Variants in IPCEF1 observed in about 807,000 individuals in gnomAD.
IPCEF1 encodes interaction protein for cytohesin exchange factors 1, also known as interactor protein for cytohesin exchange factors 1.
IPCEF1 carries 31 observed loss-of-function variants against 50.9 expected under a neutral mutation model. The observed-to-expected ratio is 0.61, with a 90% CI of 0.46 to 0.82. The LOEUF is 0.82. IPCEF1 is among the 40% of genes least tolerant of loss of function. The probability of loss-of-function intolerance (pLI) is 0.00; values close to 1 mark genes in which losing one functional copy is unlikely to be tolerated. For synonymous variants in IPCEF1, 181 were observed against 192.0 expected, an observed-to-expected ratio of 0.94 and a Z score of 0.47; for missense variants, 458 against 514.0, an observed-to-expected ratio of 0.89 and a Z score of 1.05.
At chr6:154,321,877 T>C (rs902536492) in intron 1 of IPCEF1, among the ~76,000 whole-genome samples, 1 of 145,650 alleles carries the variant, frequency 6.9e-6, no homozygotes, top group Non-Finnish European at 1.5e-5. Context: ...ATGAGGACAA[T>C]GGAACCCCGA....
At chr6:154,191,055 C>A (rs1298749003) in intron 10 of IPCEF1, among the ~76,000 whole-genome samples, 1 of 151,504 alleles carries the variant, frequency 6.6e-6, no homozygotes, top group Non-Finnish European at 1.5e-5. Context: ...GACTCCATCT[C>A]AAAAAAAGAA....
chr6:154,218,813 G>A (rs1339719304), intron 7 of IPCEF1, among the ~76,000 whole-genome samples: 1 of 152,122 alleles, frequency 6.6e-6, no homozygotes, highest in East Asian at 1.9e-4. Context: ...AAGTCTAAAG[G>A]TCACTGACAG....
chr6:154,332,161 C>G (rs750154477), intron 1 of IPCEF1, among the ~76,000 whole-genome samples: 1 of 152,098 alleles, frequency 6.6e-6, no homozygotes, highest in Admixed American at 6.6e-5. Context: ...AATGAAACTC[C>G]GCCATAATTT....
At chr6:154,201,919 T>C (rs1347765812) in intron 9 of IPCEF1, among the ~76,000 whole-genome samples, 1 of 151,654 alleles carries the variant, frequency 6.6e-6, no homozygotes, top group Non-Finnish European at 1.5e-5. Context: ...ACAAAAAAAC[T>C]CCAAGGAAGT....
At position 154,311,778 on chromosome 6, in the gene IPCEF1, A is replaced by G. The variant is rs1020808985; in HGVS notation, c.-61-22022T>C. Among the ~76,000 whole-genome samples the G allele has an allele frequency of 2.0e-5, 3 of 152,240 alleles. No homozygotes were observed. In the South Asian group the frequency reaches 6.2e-4, roughly 31 times the overall value. On this transcript the variant is annotated intron_variant, in intron 1 of 11. Transcript: ENST00000367220. ...CCTGTTAGAATGGCTATTTTCAAAA[A>G]AAGATGAAAGATAACAAGTGTTGGT...
At chr6:154,303,249 G>A (rs748227805) in intron 1 of IPCEF1, among the ~76,000 whole-genome samples, 10 of 151,836 alleles carry the variant, frequency 6.6e-5, no homozygotes, top group African/African-American at 2.2e-4. Flanking sequence ...ATACCACCAC[G>A]CCCGGGTAAT....
intron 1 of IPCEF1, among the ~76,000 whole-genome samples, chr6:154,316,414 A>T (rs999069356): frequency 2.6e-5 from 4 of 152,200 alleles, no homozygotes; most frequent in African/African-American, 9.7e-5. Context: ...ATGCCTAGAT[A>T]CACAAGGTAT....
chr6:154,182,640 T>G (rs1800986770), intron 10 of IPCEF1, among the ~76,000 whole-genome samples: 1 of 152,196 alleles, frequency 6.6e-6, no homozygotes. Context: ...CTTTTTTTCT[T>G]CTTAAAATAC....
At chr6:154,353,572 A>G (rs1457580939) in intron 1 of IPCEF1, among the ~76,000 whole-genome samples, 2 of 152,050 alleles carry the variant, frequency 1.3e-5, no homozygotes, top group Admixed American at 1.3e-4. Flanking sequence ...CAGGCATGAG[A>G]GCCACCGCAC....
In IPCEF1 at chr6:154,339,267, C is replaced by T. The variant is rs535353448; in HGVS notation, c.-62+17405G>A. 4.6e-5 allele frequency among the ~76,000 whole-genome samples: 7 copies of T among 151,974 alleles called. No individual in the cohort carries two copies. The South Asian group carries it at 1.5e-3, about 32-fold the overall frequency. Reference sequence around the variant, plus strand: ...TATAATTACATAAAAGTGTGTTAACCCCTAAATGAGAGAGGAGAAGAGCCT... The same window carrying T: ...TATAATTACATAAAAGTGTGTTAACTCCTAAATGAGAGAGGAGAAGAGCCT... On this transcript the variant is annotated intron_variant, in intron 1 of 11. Transcript: ENST00000367220.
intron 1 of IPCEF1, among the ~76,000 whole-genome samples, chr6:154,354,015 G>C (rs1483229106): frequency 1.3e-5 from 2 of 152,158 alleles, no homozygotes; most frequent in Admixed American, 1.3e-4. Context: ...AGAGAAATTA[G>C]AGATTAAATT....
intron 3 of IPCEF1, among the ~76,000 whole-genome samples, chr6:154,248,982 T>C (rs1338525430): frequency 6.6e-6 from 1 of 152,168 alleles, no homozygotes; most frequent in African/African-American, 2.4e-5. Context: ...CTAAAGTGTT[T>C]AAATTATATT....
At chr6:154,220,255 T>C (rs773173446) in intron 7 of IPCEF1, among the ~76,000 whole-genome samples, 16 of 152,162 alleles carry the variant, frequency 1.1e-4, no homozygotes, top group African/African-American at 2.9e-4. Flanking sequence ...ATATTTTCAA[T>C]TGGTCATGTG....
chr6:154,356,196 A>T (rs924234465), intron 1 of IPCEF1, among the ~76,000 whole-genome samples: 1 of 152,158 alleles, frequency 6.6e-6, no homozygotes, highest in Non-Finnish European at 1.5e-5. Flanking sequence ...CCTAGCTTTC[A>T]TTTTTATACC....
chr6:154,240,499 C>A (rs563505310), intron 5 of IPCEF1, among the ~76,000 whole-genome samples: 2 of 149,614 alleles, frequency 1.3e-5, no homozygotes, highest in African/African-American at 2.5e-5. Flanking sequence ...GAAAATTAAT[C>A]TGTTCTTTAT....
Position 154,194,269 on chromosome 6 carries a change from C to T in IPCEF1, c.910+5399G>A, listed in dbSNP as rs952914135. The stretch of plus-strand genomic sequence containing the variant: ...ACAAAATTAGCCAGGCGTGGTGGCG[C>T]ATGCCTGTAATCCCAGCTACTTGGG... On this transcript the variant is annotated intron_variant, in intron 10 of 11. Transcript: ENST00000367220. Among the ~76,000 whole-genome samples, 7 of 152,282 alleles carry T rather than the reference C, an allele frequency of 4.6e-5. No individual in the cohort carries two copies. In the East Asian group the frequency reaches 1.4e-3, roughly 29 times the overall value.
chr6:154,331,407 G>GAAAGAAAGATAGAA (rs1554225595), intron 1 of IPCEF1, among the ~76,000 whole-genome samples: 1 of 131,008 alleles, frequency 7.6e-6, no homozygotes, highest in Non-Finnish European at 1.6e-5. Context: ...AAGAAAGAAA[G>GAAAGAAAGATAGAA]AGAGAGAAAA....
intron 1 of IPCEF1, among the ~76,000 whole-genome samples, chr6:154,354,996 T>TCACACA (rs56281024): frequency 2.0e-5 from 3 of 147,394 alleles, no homozygotes; most frequent in East Asian, 2.0e-4. Flanking sequence ...GGATTTTTCT[T>TCACACA]CACACACACA....
At chr6:154,276,814 A>G (rs1263930220) in intron 2 of IPCEF1, among the ~76,000 whole-genome samples, 1 of 152,230 alleles carries the variant, frequency 6.6e-6, no homozygotes, top group African/African-American at 2.4e-5. Flanking sequence ...CACTCAGGGC[A>G]AGACATGCAG....
Sources: allele counts gnomAD v4.1 joint callset (sites outside exome capture counted in the v4.1 genomes callset), GRCh38; gene constraint gnomAD v4.1.1; transcripts MANE v1.5; gene names NCBI Gene and HGNC (gene_info 2026-07-23, HGNC 2026-07-21).